Variants in AVEN observed in about 807,000 individuals in gnomAD.
The protein encoded by AVEN is apoptosis and caspase activation inhibitor, also known as cell death regulator Aven.
A neutral mutation model predicts 38.1 loss-of-function variants in AVEN; 41 were observed. The observed-to-expected ratio is 1.08, with a 90% CI of 0.84 to 1.40. AVEN has a LOEUF of 1.40. AVEN is among the 40% of genes most tolerant of loss of function. AVEN has a pLI of 0.00. For synonymous variants in AVEN, 206 were observed against 171.8 expected (o/e 1.20, Z -1.56); for missense variants, 605 against 438.8 (o/e 1.38, Z -3.38).
chr15:33,991,602 T>G (rs1441449087), intron 2 of AVEN: 2 of 152,046 alleles, frequency 1.3e-5, no homozygotes, highest in Admixed American at 1.3e-4. Flanking sequence ...ATGTGACCTG[T>G]AGAAAGCACC....
intron 2 of AVEN, among the ~76,000 whole-genome samples, chr15:33,914,689 A>G (rs1445639836): frequency 4.6e-5 from 7 of 151,572 alleles, no homozygotes; most frequent in Non-Finnish European, 1.5e-5. Flanking sequence ...ATATACAAAC[A>G]TGGAGCAGGA....
intron 1 of AVEN, among the ~76,000 whole-genome samples, chr15:34,011,075 C>T (rs955484857): frequency 6.6e-6 from 1 of 152,048 alleles, no homozygotes; most frequent in Non-Finnish European, 1.5e-5. Flanking sequence ...TCCTATAATA[C>T]CTGCACTTTG....
rs148352388 is a variant in AVEN at position 33,867,164 on chromosome 15, G to C, written c.973+331C>G. 5.6e-4 allele frequency among the ~76,000 whole-genome samples: 85 copies of C among 152,332 alleles called. 1 individual carries two copies. The South Asian group carries it at 5.6e-3, about 10-fold the overall frequency. On this transcript the variant is annotated intron_variant, in intron 5 of 5. Coordinates refer to ENST00000306730, the MANE Select transcript of AVEN (RefSeq NM_020371.3). ...AGAAAAAGGTATGAAGAGGTGGCCT[G>C]TCAGTCGATTAAAAGGGCCACTGCC...
chr15:34,059,166 G>A (rs529418810), intron 5 of AVEN, among the ~76,000 whole-genome samples: 1 of 149,420 alleles, frequency 6.7e-6, no homozygotes, highest in Admixed American at 6.6e-5. Context: ...CAAAGTGCTG[G>A]GATTACAGGC....
At chr15:34,075,243 T>C (rs2140861090), upstream of AVEN, among the ~76,000 whole-genome samples, 1 of 148,762 alleles carries the variant, frequency 6.7e-6, no homozygotes, top group Admixed American at 6.7e-5. Flanking sequence ...AGGAAAGAAG[T>C]TTAATTTACT....
At chr15:33,946,737 C>T (rs1372407455) in intron 2 of AVEN, among the ~76,000 whole-genome samples, 1 of 152,160 alleles carries the variant, frequency 6.6e-6, no homozygotes, top group Admixed American at 6.5e-5. Context: ...AGCAGGTGCA[C>T]ATACCTCAGG....
chr15:34,008,422 A>T (rs1230224932), intron 1 of AVEN, among the ~76,000 whole-genome samples: 2 of 150,408 alleles, frequency 1.3e-5, no homozygotes, highest in Non-Finnish European at 2.9e-5. Context: ...CGTGTCTCTT[A>T]AAAAGAAAAA....
intron 4 of AVEN, 63 bp downstream of exon 4, chr15:33,870,872 G>A (rs1178142802): frequency 1.3e-5 from 16 of 1,189,052 alleles, no homozygotes; most frequent in Non-Finnish European, 1.9e-5. Context: ...TGAGGGAAGT[G>A]TTCCCCTCTT....
intron 2 of AVEN, among the ~76,000 whole-genome samples, chr15:33,924,403 C>T (rs539545257): frequency 2.6e-5 from 4 of 152,104 alleles, no homozygotes; most frequent in Non-Finnish European, 5.9e-5. Flanking sequence ...TTTCCTGGCA[C>T]GACGCAGTCT....
chr15:34,039,041 C>A lies in AVEN; in HGVS notation c.6G>T (p.Gln2His). ...GGCCTCCCCGAGCTCCTCGCTCCGC[C>A]TGCATCTGGCCGCCGCTGGCGGTGC... M[Q>H]AERGARGGRG... Residue 2 changes from glutamine to histidine, a missense_variant, in exon 1 of 6, where the codon CAG (glutamine) becomes CAT (histidine). Physicochemically the swap from Gln to His is conservative, Grantham distance 24. Coordinates refer to ENST00000306730, the MANE Select transcript of AVEN (RefSeq NM_020371.3). The A allele has an allele frequency of 1.8e-6, 2 of 1,110,870 alleles. No homozygotes were observed. Among genetic ancestry groups the A allele is most frequent in the African/African-American group, 3.3e-5 (2 of 59,876 alleles). 68.8% of individuals were successfully genotyped at this position (1,110,870 alleles called of 1,614,324 possible).
At chr15:33,964,106 T>TAAA (rs35355454) in intron 2 of AVEN, among the ~76,000 whole-genome samples, 10 of 145,270 alleles carry the variant, frequency 6.9e-5, no homozygotes, top group African/African-American at 2.5e-4. Flanking sequence ...AGTCCTTACT[T>TAAA]AAAAAAAAAA....
In AVEN at chr15:33,957,742, C is replaced by A. The variant is rs912488825; in HGVS notation, c.445+45290G>T. 4.0e-5 allele frequency among the ~76,000 whole-genome samples: 6 copies of A among 149,682 alleles called. No homozygotes were observed. The South Asian group carries it at 1.0e-3, about 26-fold the overall frequency. ...TTGTATGAAAAAAAAAAAAGCCAGA[C>A]ATAAGCGAATACTGAATAATTCCAT... On this transcript the variant is annotated intron_variant, in intron 2 of 5. Coordinates refer to ENST00000306730, the MANE Select transcript of AVEN (RefSeq NM_020371.3).
chr15:33,918,314 G>A (rs1053848905), intron 2 of AVEN, among the ~76,000 whole-genome samples: 1 of 152,056 alleles, frequency 6.6e-6, no homozygotes, highest in African/African-American at 2.4e-5. Flanking sequence ...CTCCTACTAT[G>A]TACTTTTAAA....
At chr15:33,914,773 A>T (rs184811886) in intron 2 of AVEN, among the ~76,000 whole-genome samples, 16 of 151,866 alleles carry the variant, frequency 1.1e-4, no homozygotes, top group Non-Finnish European at 2.9e-5. Context: ...TTTTTTTTAA[A>T]AGTGTAGGTA....
chr15:34,061,951 C>G (rs1280709194), intron 5 of AVEN, among the ~76,000 whole-genome samples: 1 of 152,128 alleles, frequency 6.6e-6, no homozygotes, highest in African/African-American at 2.4e-5. Flanking sequence ...TATTTATCAC[C>G]AGGATCTTAA....
downstream of AVEN, chr15:33,854,702 A>G (rs550917761): frequency 6.5e-7 from 1 of 1,535,270 alleles, no homozygotes; most frequent in African/African-American, 1.4e-5. Flanking sequence ...ATAAGAAAAA[A>G]TGTTTTATAA....
chr15:33,910,445 G>A (rs1293831134), intron 2 of AVEN, among the ~76,000 whole-genome samples: 2 of 152,204 alleles, frequency 1.3e-5, no homozygotes, highest in African/African-American at 4.8e-5. Context: ...AAGAACTCAG[G>A]CCACAAAGGC....
chr15:34,018,676 C>A (rs2702320), intron 1 of AVEN, among the ~76,000 whole-genome samples: 143,178 of 152,260 alleles, frequency 0.94, 67,939 homozygotes, highest in East Asian at 1. Context: ...AAAGGGACTC[C>A]AGTGGGTTGC....
At chr15:33,980,400 C>T (rs917876288) in intron 2 of AVEN, among the ~76,000 whole-genome samples, 1 of 152,214 alleles carries the variant, frequency 6.6e-6, no homozygotes, top group Non-Finnish European at 1.5e-5. Context: ...TGTTGCATTA[C>T]TTACGCAAGG....
Sources: gnomAD v4.1 joint callset for allele counts (sites outside exome capture counted in the v4.1 genomes callset) on GRCh38, gnomAD v4.1.1 for gene constraint, MANE v1.5 for transcripts, NCBI Gene and HGNC (gene_info 2026-07-23, HGNC 2026-07-21) for gene names.